ESRRG: variants seen among roughly 807,000 people sequenced by gnomAD.
ESRRG encodes the protein estrogen-related receptor gamma.
ESRRG carries 13 observed loss-of-function variants against 44.0 expected under a neutral mutation model. That is an observed-to-expected ratio of 0.30 (90% confidence interval 0.19 to 0.47). The LOEUF is 0.47. Among genes scored for constraint, ESRRG ranks in the 20% least tolerant of loss-of-function variants. The probability of loss-of-function intolerance (pLI) is 1.00; values close to 1 mark genes in which losing one functional copy is unlikely to be tolerated. For missense variants in ESRRG, 395 were observed against 580.6 expected (o/e 0.68, Z 3.29); for synonymous variants, 215 against 214.6 (o/e 1.00, Z -0.02).
intron 2 of ESRRG, among the ~76,000 whole-genome samples, chr1:216,879,046 G>T (rs567698569): frequency 6.7e-4 from 102 of 152,228 alleles, no homozygotes; most frequent in Non-Finnish European, 1.3e-3. Flanking sequence ...GACTACATGT[G>T]AGATGAGACA....
intron 1 of ESRRG, among the ~76,000 whole-genome samples, chr1:217,122,666 T>TC (rs2092835585): frequency 1.6e-5 from 1 of 61,074 alleles, no homozygotes; most frequent in Non-Finnish European, 4.1e-5. Context: ...CACACACACT[T>TC]TTTTTTTTTT....
chr1:216,757,152 T>G (rs1186399991), intron 2 of ESRRG, among the ~76,000 whole-genome samples: 2 of 152,050 alleles, frequency 1.3e-5, no homozygotes, highest in Non-Finnish European at 2.9e-5. Context: ...GATTTCCTTC[T>G]CCTAAGCAGT....
chr1:216,610,209 C>CTT lies in ESRRG; in HGVS notation c.589+40762_589+40763dup, dbSNP rs77574879. On this transcript the variant is annotated intron_variant, in intron 3 of 6. Transcript: ENST00000408911. Reference sequence around the variant, plus strand: ...GTGGATAATTGTACAAAATTCAGTGCTTTTTTTTTTTTTTTGCTCCAGTTC... The same window carrying CTT: ...GTGGATAATTGTACAAAATTCAGTGCTTTTTTTTTTTTTTTTTGCTCCAGTTC... Among the ~76,000 whole-genome samples, 759 of 140,260 alleles carry CTT rather than the reference C, an allele frequency of 5.4e-3. 6 individuals carry two copies. The highest frequency in any genetic ancestry group is 7.8e-3 in the Non-Finnish European group (509 of 65,212). 92.0% of individuals were successfully genotyped at this position (140,260 alleles called of 152,430 possible). A position where few individuals can be genotyped will look rare whatever the true frequency, so the allele number is the denominator to read the frequency against.
chr1:217,050,515 C>G (rs770878658), intron 1 of ESRRG, among the ~76,000 whole-genome samples: 1 of 152,140 alleles, frequency 6.6e-6, no homozygotes, highest in Non-Finnish European at 1.5e-5. Context: ...AGCCAAGCCT[C>G]TCCTCCTGTT....
intron 1 of ESRRG, among the ~76,000 whole-genome samples, chr1:217,006,822 G>T (rs943161577): frequency 1.3e-5 from 2 of 152,180 alleles, no homozygotes; most frequent in African/African-American, 4.8e-5. Context: ...CCCTCAAAAT[G>T]TTTCAGATTT....
intron 2 of ESRRG, among the ~76,000 whole-genome samples, chr1:216,891,228 C>T (rs1207911380): frequency 6.6e-6 from 1 of 152,178 alleles, no homozygotes; most frequent in Admixed American, 6.5e-5. Context: ...CTGTTATCAT[C>T]TTTATTAGAT....
chr1:216,834,006 C>T (rs1561186), intron 2 of ESRRG, among the ~76,000 whole-genome samples: 28,881 of 152,078 alleles, frequency 0.19, 2,844 homozygotes, highest in Admixed American at 0.25. Flanking sequence ...CACGGGGACA[C>T]CATGGTTCAA....
chr1:216,905,907 C>A (rs1300873981), intron 2 of ESRRG, among the ~76,000 whole-genome samples: 1 of 152,080 alleles, frequency 6.6e-6, no homozygotes. Context: ...CATGCCACTA[C>A]GCCCTGCTAA....
At chr1:216,915,073 A>G (rs902336848) in intron 2 of ESRRG, among the ~76,000 whole-genome samples, 1 of 152,088 alleles carries the variant, frequency 6.6e-6, no homozygotes, top group African/African-American at 2.4e-5. Flanking sequence ...TTCTCCCTCA[A>G]CTCTCCATCA....
intron 2 of ESRRG, among the ~76,000 whole-genome samples, chr1:216,769,687 GC>G (rs1283402662): frequency 6.6e-6 from 1 of 152,116 alleles, no homozygotes; most frequent in Non-Finnish European, 1.5e-5. Flanking sequence ...AGGCACACTA[GC>G]CATAGGGATA....
chr1:217,117,231 T>C (rs1211117220), intron 1 of ESRRG, among the ~76,000 whole-genome samples: 2 of 152,160 alleles, frequency 1.3e-5, no homozygotes, highest in Non-Finnish European at 2.9e-5. Context: ...AAGATAACAA[T>C]ACTTTATGGA....
intron 3 of ESRRG, among the ~76,000 whole-genome samples, chr1:216,606,512 C>A (rs2059954518): frequency 6.6e-6 from 1 of 152,142 alleles, no homozygotes; most frequent in South Asian, 2.1e-4. Context: ...TTTTTTGTTA[C>A]CATTTTATTG....
chr1:216,569,338 G>A (rs535835559), intron 3 of ESRRG, among the ~76,000 whole-genome samples: 3 of 152,262 alleles, frequency 2.0e-5, no homozygotes, highest in South Asian at 4.1e-4. Flanking sequence ...CTTGGATGTC[G>A]AAGGAAGTGA....
At chr1:217,036,801 C>T (rs938595587) in intron 1 of ESRRG, among the ~76,000 whole-genome samples, 2 of 150,644 alleles carry the variant, frequency 1.3e-5, no homozygotes, top group Non-Finnish European at 1.5e-5. Flanking sequence ...TGTACTTGTA[C>T]CCCTGAACTT....
intron 1 of ESRRG, among the ~76,000 whole-genome samples, chr1:216,688,674 G>A (rs948398299): frequency 6.6e-6 from 1 of 151,902 alleles, no homozygotes; most frequent in Non-Finnish European, 1.5e-5. Context: ...CCAATGCAGA[G>A]ATATGAAATT....
chr1:216,885,403 G>A (rs531751191), intron 2 of ESRRG, among the ~76,000 whole-genome samples: 19 of 152,248 alleles, frequency 1.2e-4, no homozygotes, highest in African/African-American at 3.6e-4. Flanking sequence ...TGTCTGGGGA[G>A]AGGAGGCATG....
At chr1:216,823,973 T>A (rs773628643) in intron 2 of ESRRG, among the ~76,000 whole-genome samples, 1 of 152,154 alleles carries the variant, frequency 6.6e-6, no homozygotes, top group East Asian at 1.9e-4. Context: ...CTACAGTACT[T>A]GAGGGCAGGT....
chr1:217,021,079 C>A lies in ESRRG; in HGVS notation c.-106+68428G>T, dbSNP rs566106443. Among the ~76,000 whole-genome samples the A allele has an allele frequency of 1.0e-4, 15 of 146,446 alleles. No individual in the cohort carries two copies. The South Asian group carries it at 3.3e-3, about 32-fold the overall frequency. On this transcript the variant is annotated intron_variant, in intron 1 of 7. Transcript: ENST00000359162. ...ACACACACACACACACACACACATACACACAGAGAAAGATACACTCACTCA... is the reference window on the plus strand; with the variant it reads ...ACACACACACACACACACACACATAAACACAGAGAAAGATACACTCACTCA...
chr1:216,580,329 A>G (rs115282665), intron 3 of ESRRG, among the ~76,000 whole-genome samples: 5 of 152,290 alleles, frequency 3.3e-5, no homozygotes, highest in African/African-American at 1.2e-4. Context: ...TTCTTAATGC[A>G]CCAGTGTACA....
Sources: allele counts gnomAD v4.1 joint callset (sites outside exome capture counted in the v4.1 genomes callset), GRCh38; gene constraint gnomAD v4.1.1; transcripts MANE v1.5; gene names NCBI Gene and HGNC (gene_info 2026-07-23, HGNC 2026-07-21).